DRC11: variants seen among roughly 807,000 people sequenced by gnomAD.
The protein encoded by DRC11 is dynein regulatory complex subunit 11.
At chr2:236,360,874 C>G in the DRC11 span, among the ~76,000 whole-genome samples, 1 of 152,134 alleles carries the variant, frequency 6.6e-6, no homozygotes, top group South Asian at 2.1e-4. This position sits in a 1 kb window ranked among gnomAD's most constrained non-coding sequence, Gnocchi z 5.8. Flanking sequence ...AAATGGAAAA[C>G]GAAGTCTCTG....
chr2:236,345,063 T>TAAATGCACTACCCTCTCGGGTGTGCA, the DRC11 span, among the ~76,000 whole-genome samples: 2 of 149,930 alleles, frequency 1.3e-5, no homozygotes, highest in African/African-American at 2.5e-5. Flanking sequence ...GCCCTGGCTG[T>TAAATGCACTACCCTCTCGGGTGTGCA]GAACGTGCTT....
chr2:236,481,098 C>T, the DRC11 span, among the ~76,000 whole-genome samples: 1 of 152,218 alleles, frequency 6.6e-6, no homozygotes, highest in Non-Finnish European at 1.5e-5. Flanking sequence ...CTGCCTTCTA[C>T]AGTGTGGTGC....
the DRC11 span, chr2:236,368,224 G>T: frequency 6.2e-7 from 1 of 1,610,582 alleles, no homozygotes; most frequent in Non-Finnish European, 8.5e-7. Context: ...AATGTGATGA[G>T]CTGTCTGACA....
At chr2:236,448,963 G>A in the DRC11 span, among the ~76,000 whole-genome samples, 3 of 151,918 alleles carry the variant, frequency 2.0e-5, no homozygotes, top group African/African-American at 7.2e-5. The surrounding 1 kb of genome is among the most constrained non-coding windows in gnomAD (Gnocchi z 5.3). Context: ...GGGTTCAAAC[G>A]ATTCTCCTAC....
At chr2:236,410,616 G>A in the DRC11 span, among the ~76,000 whole-genome samples, 1 of 150,778 alleles carries the variant, frequency 6.6e-6, no homozygotes, top group Non-Finnish European at 1.5e-5. Context: ...GAACAAAGCT[G>A]GAGGCATCAC....
the DRC11 span, among the ~76,000 whole-genome samples, chr2:236,348,024 A>G: frequency 6.6e-6 from 1 of 152,180 alleles, no homozygotes; most frequent in African/African-American, 2.4e-5. The surrounding 1 kb of genome is among the most constrained non-coding windows in gnomAD (Gnocchi z 7.4). Flanking sequence ...TTCATCAATG[A>G]AACAGACAAA....
At chr2:236,411,904 G>T in the DRC11 span, among the ~76,000 whole-genome samples, 3 of 116,744 alleles carry the variant, frequency 2.6e-5, no homozygotes, top group Non-Finnish European at 3.4e-5. Context: ...TGTGGGGTGG[G>T]GGGAGGGGGG....
At chr2:236,331,572 G>A in the DRC11 span, 7 of 1,613,726 alleles carry the variant, frequency 4.3e-6, no homozygotes, top group South Asian at 1.1e-5. The surrounding 1 kb of genome is among the most constrained non-coding windows in gnomAD (Gnocchi z 4.8). Context: ...CTCCTCCATT[G>A]CGTTCAATGA....
At chr2:236,386,383 A>G in the DRC11 span, among the ~76,000 whole-genome samples, 1 of 152,194 alleles carries the variant, frequency 6.6e-6, no homozygotes, top group East Asian at 1.9e-4. Flanking sequence ...TTCCTGGTTT[A>G]GTCTTGGGAG....
At chr2:236,464,556 T>C in the DRC11 span, among the ~76,000 whole-genome samples, 1 of 152,248 alleles carries the variant, frequency 6.6e-6, no homozygotes, top group Admixed American at 6.5e-5. Flanking sequence ...AAGTTTTAAC[T>C]CATTTAACAT....
At chr2:236,424,332 T>A in the DRC11 span, among the ~76,000 whole-genome samples, 1 of 152,332 alleles carries the variant, frequency 6.6e-6, no homozygotes, top group African/African-American at 2.4e-5. Context: ...CCTTTTAAAG[T>A]CTTACCAATT....
chr2:236,383,741 G>A, the DRC11 span, among the ~76,000 whole-genome samples: 2 of 150,862 alleles, frequency 1.3e-5, no homozygotes, highest in South Asian at 4.2e-4. Flanking sequence ...GTATACATGT[G>A]CCATGCTGGT....
the DRC11 span, among the ~76,000 whole-genome samples, chr2:236,430,501 T>G: frequency 2.6e-5 from 4 of 152,352 alleles, no homozygotes; most frequent in East Asian, 7.7e-4. The surrounding 1 kb of genome is among the most constrained non-coding windows in gnomAD (Gnocchi z 6.0). Flanking sequence ...CCATCTTTCC[T>G]TAGTGGTACA....
chr2:236,433,274 C>T, the DRC11 span, among the ~76,000 whole-genome samples: 3 of 152,162 alleles, frequency 2.0e-5, no homozygotes, highest in African/African-American at 7.2e-5. Flanking sequence ...CTCCCTGCCT[C>T]CTCCCCGCCA....
the DRC11 span, among the ~76,000 whole-genome samples, chr2:236,398,326 G>C: frequency 6.6e-6 from 1 of 152,116 alleles, no homozygotes; most frequent in Non-Finnish European, 1.5e-5. The surrounding 1 kb of genome is among the most constrained non-coding windows in gnomAD (Gnocchi z 6.2). Flanking sequence ...ATTTTCAGTG[G>C]CACACAGACA....
chr2:236,428,082 C>T, the DRC11 span, among the ~76,000 whole-genome samples: 1 of 152,084 alleles, frequency 6.6e-6, no homozygotes, highest in African/African-American at 2.4e-5. Flanking sequence ...CACACCATTG[C>T]AGTCTGAAAA....
the DRC11 span, among the ~76,000 whole-genome samples, chr2:236,322,494 C>A: frequency 6.6e-6 from 1 of 152,092 alleles, no homozygotes; most frequent in African/African-American, 2.4e-5. Context: ...GATCCACCCG[C>A]CTCGGCCTCC....
the DRC11 span, among the ~76,000 whole-genome samples, chr2:236,430,010 G>A: frequency 2.0e-5 from 3 of 152,064 alleles, no homozygotes; most frequent in South Asian, 6.2e-4. The surrounding 1 kb of genome is among the most constrained non-coding windows in gnomAD (Gnocchi z 6.0). Context: ...TGGTGGTCTT[G>A]AGTTCCTCAG....
chr2:236,437,198 T>A, the DRC11 span, among the ~76,000 whole-genome samples: 4 of 144,276 alleles, frequency 2.8e-5, no homozygotes, highest in African/African-American at 1.0e-4. Flanking sequence ...GGTGTTTGGT[T>A]TTTTGTTCTT....
Sources: allele counts gnomAD v4.1 joint callset (sites outside exome capture counted in the v4.1 genomes callset), GRCh38; gene constraint gnomAD v4.1.1; non-coding constraint Gnocchi (gnomAD v3.1); transcripts MANE v1.5; gene names NCBI Gene and HGNC (gene_info 2026-07-23, HGNC 2026-07-21).